KCNH1: variants seen among roughly 807,000 people sequenced by gnomAD.
The protein encoded by KCNH1 is potassium voltage-gated channel subfamily H member 1.
In KCNH1, 27 loss-of-function variants were observed where a neutral mutation model predicts 69.2. The ratio of observed to expected loss-of-function variants is 0.39; its 90% confidence interval spans 0.29 to 0.54. The LOEUF (loss-of-function observed/expected upper bound fraction) is 0.54, where lower values mean the gene tolerates loss of function less well. KCNH1 is among the 20% of genes least tolerant of loss of function. The pLI, the probability that KCNH1 is intolerant of heterozygous loss-of-function variation, is 0.68. For missense variants in KCNH1, 798 were observed against 1,261.6 expected, an observed-to-expected ratio of 0.63 and a Z score of 5.57; for synonymous variants, 456 against 487.7, an observed-to-expected ratio of 0.93 and a Z score of 0.86.
At chr1:210,691,728 A>AT (rs1157073592) in intron 10 of KCNH1, among the ~76,000 whole-genome samples, 2 of 152,230 alleles carry the variant, frequency 1.3e-5, no homozygotes, top group Admixed American at 1.3e-4. Context: ...TTCCCAGAGG[A>AT]TTTAAAGAGG....
At chr1:211,121,744 A>G (rs370944416) in intron 1 of KCNH1, among the ~76,000 whole-genome samples, 304 of 152,366 alleles carry the variant, frequency 2.0e-3, no homozygotes, top group African/African-American at 6.9e-3. Context: ...GTGAATAGAT[A>G]GCCTACAGAA....
intron 6 of KCNH1, among the ~76,000 whole-genome samples, chr1:210,945,552 G>T (rs184158464): frequency 4.0e-4 from 61 of 152,296 alleles, no homozygotes; most frequent in African/African-American, 1.4e-3. Context: ...CCTTCCAAGG[G>T]CTTCCCCTCA....
chr1:211,130,317 C>T (rs1268880018), intron 1 of KCNH1, among the ~76,000 whole-genome samples: 1 of 152,154 alleles, frequency 6.6e-6, no homozygotes, highest in African/African-American at 2.4e-5. Flanking sequence ...AAATGGGATT[C>T]AAAATGTACC....
At chr1:210,760,187 C>T (rs80291245) in intron 10 of KCNH1, among the ~76,000 whole-genome samples, 1,728 of 152,156 alleles carry the variant, frequency 0.011, 21 homozygotes, top group Non-Finnish European at 0.013. Context: ...ACAACCATCT[C>T]CAAGGCACAT....
At chr1:210,947,120 ATAAT>A (rs370861323) in intron 6 of KCNH1, among the ~76,000 whole-genome samples, 267 of 152,272 alleles carry the variant, frequency 1.8e-3, no homozygotes, top group African/African-American at 6.2e-3. Context: ...CACCATACAA[ATAAT>A]TGCTGAATGA....
At position 210,919,424 on chromosome 1, in the gene KCNH1, C is replaced by A; in HGVS notation, c.1462+216G>T. ...TCTGAAAAGCAGAATTATGGATAGT[C>A]TTTACTTTCTACTTTGCACTCTTTT... On this transcript the variant is annotated intron_variant, in intron 7 of 10. Coordinates refer to ENST00000271751, the MANE Select transcript of KCNH1 (RefSeq NM_172362.3). The surrounding 1 kb of genome is among the most constrained non-coding windows in gnomAD (Gnocchi z 4.2). 1 of 555,958 alleles carries A rather than the reference C, an allele frequency of 1.8e-6. No homozygotes were observed. Among genetic ancestry groups the A allele is most frequent in the Non-Finnish European group, 3.2e-6 (1 of 312,078 alleles). 34.4% of individuals were successfully genotyped at this position (555,958 alleles called of 1,614,324 possible).
intron 10 of KCNH1, among the ~76,000 whole-genome samples, chr1:210,702,525 T>C (rs760901247): frequency 3.3e-5 from 5 of 152,240 alleles, no homozygotes; most frequent in South Asian, 2.1e-4. Context: ...TTGCTTCTTT[T>C]GAATTTTTAA....
intron 7 of KCNH1, among the ~76,000 whole-genome samples, chr1:210,826,846 C>G (rs769207697): frequency 2.0e-5 from 3 of 152,228 alleles, no homozygotes; most frequent in Non-Finnish European, 2.9e-5. Flanking sequence ...AATTACCTAT[C>G]CCCTCCTATC....
chr1:210,767,575 A>G (rs1197199071), intron 10 of KCNH1, among the ~76,000 whole-genome samples: 1 of 152,254 alleles, frequency 6.6e-6, no homozygotes, highest in Non-Finnish European at 1.5e-5. Flanking sequence ...GGTATTTCAT[A>G]ATAGATAATA....
At chr1:210,739,585 G>C (rs74156055) in intron 10 of KCNH1, among the ~76,000 whole-genome samples, 1,536 of 152,294 alleles carry the variant, frequency 0.01, 25 homozygotes, top group African/African-American at 0.035. Context: ...ATTTTACCAG[G>C]CTTGTTATCA....
At chr1:210,740,065 A>C (rs982002823) in intron 10 of KCNH1, among the ~76,000 whole-genome samples, 2 of 152,238 alleles carry the variant, frequency 1.3e-5, no homozygotes, top group Non-Finnish European at 2.9e-5. Context: ...ACAGGAGCTA[A>C]GTAAAGATAG....
chr1:210,683,056 C>T lies in KCNH1; in HGVS notation c.*225G>A, dbSNP rs1681310571. 2 of 587,908 alleles carry T rather than the reference C, an allele frequency of 3.4e-6. No individual in the cohort carries two copies. The highest frequency in any genetic ancestry group is 6.0e-6 in the Non-Finnish European group (2 of 330,804). The allele number at this position is 587,908 out of a possible 1,614,324, so 36.4% of individuals were successfully genotyped here. A position where few individuals can be genotyped will look rare whatever the true frequency, so the allele number is the denominator to read the frequency against. ...GCATGTCCCTTCTTCCAAAATTGTG[C>T]AAAGACGGTTCAGATGCAGCTGCCA... On this transcript the variant is annotated 3_prime_UTR_variant, in exon 11 of 11. Coordinates refer to ENST00000271751, the MANE Select transcript of KCNH1 (RefSeq NM_172362.3). The surrounding 1 kb of genome is among the most constrained non-coding windows in gnomAD (Gnocchi z 5.7).
Position 211,018,767 on chromosome 1 carries a change from G to T in KCNH1, c.1032+16C>A. 6.4e-7 allele frequency: 1 copy of T among 1,566,750 alleles called. No homozygotes were observed. Among genetic ancestry groups the T allele is most frequent in the African/African-American group, 1.4e-5 (1 of 73,582 alleles). ...TTAAAGACATGACAACAAGGTCTGA[G>T]ATTTGAGGGATGTACCTGACTCTCT... On this transcript the variant is annotated intron_variant, in intron 6 of 10. Coordinates refer to ENST00000271751, the MANE Select transcript of KCNH1 (RefSeq NM_172362.3).
intron 10 of KCNH1, among the ~76,000 whole-genome samples, chr1:210,704,607 G>T (rs1681862860): frequency 1.3e-5 from 2 of 152,178 alleles, no homozygotes; most frequent in African/African-American, 2.4e-5. Context: ...CATATATGGG[G>T]CAAGTGTCCT....
chr1:210,707,170 C>T (rs1287628243), intron 10 of KCNH1, among the ~76,000 whole-genome samples: 2 of 152,228 alleles, frequency 1.3e-5, no homozygotes, highest in East Asian at 1.9e-4. Flanking sequence ...GTCTGGTAGG[C>T]GTGAGCAAGT....
At chr1:210,887,424 C>G (rs1242770197) in intron 7 of KCNH1, among the ~76,000 whole-genome samples, 1 of 152,068 alleles carries the variant, frequency 6.6e-6, no homozygotes, top group African/African-American at 2.4e-5. Flanking sequence ...ACAACCGGGA[C>G]CAGCCACTGC....
At chr1:210,847,754 A>T (rs1331462934) in intron 7 of KCNH1, among the ~76,000 whole-genome samples, 1 of 151,768 alleles carries the variant, frequency 6.6e-6, no homozygotes, top group Non-Finnish European at 1.5e-5. Context: ...TAAAAAATAA[A>T]TAAATAAAAA....
intron 5 of KCNH1, among the ~76,000 whole-genome samples, chr1:211,029,920 C>G (rs969322503): frequency 3.3e-5 from 5 of 152,008 alleles, no homozygotes; most frequent in African/African-American, 1.2e-4. Context: ...TACATAATAC[C>G]ATTTATAATC....
At chr1:210,724,416 C>G (rs1682542004) in intron 10 of KCNH1, among the ~76,000 whole-genome samples, 1 of 152,020 alleles carries the variant, frequency 6.6e-6, no homozygotes, top group African/African-American at 2.4e-5. Context: ...GCGTTAGATT[C>G]CAGGCCTCTG....
Sources: gnomAD v4.1 joint callset for allele counts (sites outside exome capture counted in the v4.1 genomes callset) on GRCh38, gnomAD v4.1.1 for gene constraint, Gnocchi (gnomAD v3.1) non-coding constraint, MANE v1.5 for transcripts, NCBI Gene and HGNC (gene_info 2026-07-23, HGNC 2026-07-21) for gene names.